KLRB1: variants seen among roughly 807,000 people sequenced by gnomAD.
KLRB1 encodes the protein killer cell lectin-like receptor subfamily B member 1.
A neutral mutation model predicts 33.5 loss-of-function variants in KLRB1; 27 were observed. The observed-to-expected ratio is 0.81, with a 90% CI of 0.59 to 1.11. The LOEUF (loss-of-function observed/expected upper bound fraction) is 1.11, where lower values mean the gene tolerates loss of function less well. KLRB1 is among the 50% of genes most tolerant of loss of function. KLRB1 has a pLI of 0.00. For missense variants in KLRB1, 241 were observed against 254.1 expected (o/e 0.95, Z 0.35); for synonymous variants, 64 against 88.9 (o/e 0.72, Z 1.58).
chr12:9,599,340 C>T (rs142475853), intron 3 of KLRB1, among the ~76,000 whole-genome samples: 179 of 152,252 alleles, frequency 1.2e-3, no homozygotes, highest in South Asian at 6.4e-3. Flanking sequence ...CACACTGGAA[C>T]AAGACTAATG....
At chr12:9,595,526 AC>A (rs1864484596) in intron 5 of KLRB1, 105 bp from the exon 6 acceptor site, 1 of 1,033,576 alleles carries the variant, frequency 9.7e-7, no homozygotes, top group South Asian at 1.4e-5. Flanking sequence ...AGAATGATAA[AC>A]TATTAAACAA....
chr12:9,607,326 TC>T (rs1864620321), intron 1 of KLRB1, among the ~76,000 whole-genome samples: 2 of 53,722 alleles, frequency 3.7e-5, no homozygotes, highest in Non-Finnish European at 4.3e-5. Flanking sequence ...CTTTTCTTTC[TC>T]TTTCTTTCCT....
chr12:9,602,588 C>T (rs1014300877), intron 1 of KLRB1, among the ~76,000 whole-genome samples: 1 of 151,936 alleles, frequency 6.6e-6, no homozygotes, highest in Non-Finnish European at 1.5e-5. Flanking sequence ...TCTCCCTCTG[C>T]TCTCATTTGG....
intron 1 of KLRB1, among the ~76,000 whole-genome samples, chr12:9,604,604 T>C (rs1168004252): frequency 2.6e-5 from 4 of 152,146 alleles, no homozygotes; most frequent in African/African-American, 9.7e-5. Flanking sequence ...GTTGGTCACC[T>C]TCCTAGAAGG....
intron 5 of KLRB1, 21 bp downstream of exon 5, chr12:9,598,025 G>C (rs747964470): frequency 1.9e-6 from 2 of 1,073,346 alleles, no homozygotes; most frequent in East Asian, 4.9e-5. Flanking sequence ...GAATATTAAA[G>C]TTAGCTCATC....
chr12:9,603,726 G>A (rs73252327), intron 1 of KLRB1, among the ~76,000 whole-genome samples: 19,157 of 150,604 alleles, frequency 0.13, 1,366 homozygotes, highest in African/African-American at 0.17. Context: ...GTGAGCCACC[G>A]CACCCAGCCT....
Position 9,599,835 on chromosome 12 carries a change from G to A in KLRB1, c.191C>T (p.Ser64Phe). The change falls in exon 3 of 6, where the codon TCC (serine) becomes TTC (phenylalanine). Residue 64 changes from serine to phenylalanine, a missense_variant. Physicochemically the swap from Ser to Phe is radical, Grantham distance 155. Coordinates refer to ENST00000229402, the MANE Select transcript of KLRB1 (RefSeq NM_002258.3). The stretch of plus-strand genomic sequence containing the variant: ...TTCTATTGATGATTTCTGTATTAAG[G>A]ATGTCACTAGTACATAAGGAAAAAC... ...VVTGLSVSVT[S>F]LIQKSSIEKC... 1 of 1,569,510 alleles carries A rather than the reference G, an allele frequency of 6.4e-7. No individual in the cohort carries two copies. Among genetic ancestry groups the A allele is most frequent in the Non-Finnish European group, 8.8e-7 (1 of 1,139,700 alleles).
At position 9,599,778 on chromosome 12, in the gene KLRB1, T is replaced by C. The variant is rs761563586; in HGVS notation, c.248A>G (p.Asn83Ser). ...KCSVDIQQSR[N>S]KTTERPGLLN... is the part of the protein sequence containing the mutation. ...AGCCACACAATTACCTGTTGTTTTA[T>C]TCCTGCTCTGTTGAATGTCCACACT... Residue 83 changes from asparagine (N) to serine (S), a missense_variant, in exon 3 of 6, where the codon AAT becomes AGT. Transcript: ENST00000229402. 1 of 1,598,854 alleles carries C rather than the reference T, an allele frequency of 6.3e-7. No homozygotes were observed. The highest frequency in any genetic ancestry group is 8.6e-7 in the Non-Finnish European group (1 of 1,166,432).
intron 1 of KLRB1, 24 bp from the exon 2 acceptor site, chr12:9,601,623 C>A (rs905543037): frequency 1.3e-5 from 15 of 1,178,308 alleles, no homozygotes; most frequent in Non-Finnish European, 1.6e-5. Flanking sequence ...AAGAAAAACA[C>A]AAAAACAAAC....
intron 1 of KLRB1, among the ~76,000 whole-genome samples, chr12:9,604,634 T>A (rs1047157791): frequency 6.6e-6 from 1 of 152,202 alleles, no homozygotes; most frequent in Non-Finnish European, 1.5e-5. Context: ...CAGGGGCTTA[T>A]GTCTTTGTCC....
intron 2 of KLRB1, 45 bp downstream of exon 2, chr12:9,601,456 G>T: frequency 1.4e-6 from 2 of 1,396,650 alleles, no homozygotes; most frequent in Non-Finnish European, 1.0e-6. Flanking sequence ...ATACGTAATG[G>T]AAGTAGAGTA....
At position 9,595,116 on chromosome 12, in the gene KLRB1, A is replaced by G. The variant is rs1864480968; in HGVS notation, c.*158T>C. On this transcript the variant is annotated 3_prime_UTR_variant, in exon 6 of 6. Coordinates refer to ENST00000229402, the MANE Select transcript of KLRB1 (RefSeq NM_002258.3). ...CTCATTTAATAGAATGAATATGATA[A>G]ACATGAACTTCTGTAAGATTCATAA... is the stretch of plus-strand genomic sequence containing the variant. The G allele has an allele frequency of 8.1e-6, 5 of 619,490 alleles. 1 individual carries two copies. The Admixed American group carries it at 1.5e-4, about 18-fold the overall frequency. The allele number at this position is 619,490 out of a possible 1,614,324, so 38.4% of individuals were successfully genotyped here. A position where few individuals can be genotyped will look rare whatever the true frequency, so the allele number is the denominator to read the frequency against.
chr12:9,598,190 C>G (rs1864508794), intron 4 of KLRB1, 29 bp from the exon 5 acceptor site: 3 of 1,384,952 alleles, frequency 2.2e-6, no homozygotes, highest in Admixed American at 1.7e-5. Flanking sequence ...AATATTGAAT[C>G]TGCTTATCTA....
intron 1 of KLRB1, 91 bp downstream of exon 1, chr12:9,607,664 T>C: frequency 2.3e-6 from 2 of 888,842 alleles, no homozygotes; most frequent in Non-Finnish European, 3.7e-6. Flanking sequence ...ACTGCTCATC[T>C]TTAAAGCAAT....
rs1343251016 is a variant in KLRB1 at position 9,606,752 on chromosome 12, ATATATATATTTTT to A, written c.85+990_85+1002del. Among the ~76,000 whole-genome samples, 33 of 29,906 alleles carry A rather than the reference ATATATATATTTTT, an allele frequency of 1.1e-3. 1 individual carries two copies. The highest frequency in any genetic ancestry group is 2.8e-3 in the East Asian group (3 of 1,060). 19.6% of individuals were successfully genotyped at this position (29,906 alleles called of 152,430 possible). A position where few individuals can be genotyped will look rare whatever the true frequency, so the allele number is the denominator to read the frequency against. ...ATAAAAAGTATATATATATATATAT[ATATATATATTTTT>A]TTTTTTTTTTTGAGATAGTCTTGCT... On this transcript the variant is annotated intron_variant, in intron 1 of 5. Coordinates refer to ENST00000229402, the MANE Select transcript of KLRB1 (RefSeq NM_002258.3).
At chr12:9,601,626 A>AAACG (rs1439146636) in intron 1 of KLRB1, 27 bp from the exon 2 acceptor site, 1 of 1,336,908 alleles carries the variant, frequency 7.5e-7, no homozygotes, top group Non-Finnish European at 1.0e-6. Flanking sequence ...AAAAACACAA[A>AAACG]AACAAACAAA....
chr12:9,604,299 A>G (rs1257245331), intron 1 of KLRB1, among the ~76,000 whole-genome samples: 2 of 152,166 alleles, frequency 1.3e-5, no homozygotes, highest in Non-Finnish European at 2.9e-5. Flanking sequence ...ATTATTCTAA[A>G]CCTTCCAATG....
At chr12:9,607,405 T>TTTCTTTCTTTCTTTCTTTC (rs1565444748) in intron 1 of KLRB1, among the ~76,000 whole-genome samples, 7 of 48,006 alleles carry the variant, frequency 1.5e-4, no homozygotes, top group Non-Finnish European at 2.9e-4. Context: ...TCTTTCTTTC[T>TTTCTTTCTTTCTTTCTTTC]TTTCTTTCTT....
chr12:9,607,527 G>T (rs372013043), intron 1 of KLRB1: 1 of 447,682 alleles, frequency 2.2e-6, no homozygotes, highest in East Asian at 4.4e-5. Flanking sequence ...AGTAAGACAA[G>T]TGATGTTTGC....
Sources: allele counts gnomAD v4.1 joint callset (sites outside exome capture counted in the v4.1 genomes callset), GRCh38; gene constraint gnomAD v4.1.1; transcripts MANE v1.5; gene names NCBI Gene and HGNC (gene_info 2026-07-23, HGNC 2026-07-21).